Variants in BMP7 observed in about 807,000 individuals in gnomAD.
BMP7 encodes osteogenic protein 1.
In BMP7, 12 loss-of-function variants were observed where a neutral mutation model predicts 41.2. The observed-to-expected ratio is 0.29, with a 90% CI of 0.19 to 0.47. The LOEUF (loss-of-function observed/expected upper bound fraction) is 0.47. BMP7 is among the 20% of genes least tolerant of loss of function. The pLI is 0.99. For synonymous variants in BMP7, 248 were observed against 250.0 expected, an observed-to-expected ratio of 0.99 and a Z score of 0.07; for missense variants, 467 against 606.0, an observed-to-expected ratio of 0.77 and a Z score of 2.41.
chr20:57,223,671 C>T (rs1985243429), intron 2 of BMP7, among the ~76,000 whole-genome samples: 1 of 152,224 alleles, frequency 6.6e-6, no homozygotes, highest in South Asian at 2.1e-4. Flanking sequence ...TTCATAGGAA[C>T]CTTTCCAAGG....
In BMP7 at chr20:57,266,124, G is replaced by A; in HGVS notation, c.-2C>T. On this transcript the variant is annotated 5_prime_UTR_variant, in exon 1 of 7. Transcript: ENST00000395863. ...AGCTCGCAGTGAGCGCACGTGCATC[G>A]CGCCGGCTCTACGCGCTACCCGGGC... 2.0e-6 allele frequency: 3 copies of A among 1,530,350 alleles called. No individual in the cohort carries two copies. Among genetic ancestry groups the A allele is most frequent in the Non-Finnish European group, 2.6e-6 (3 of 1,143,818 alleles). The allele number at this position is 1,530,350 out of a possible 1,614,324, so 94.8% of individuals were successfully genotyped here.
intron 3 of BMP7, among the ~76,000 whole-genome samples, chr20:57,192,761 A>C (rs190180233): frequency 7.1e-4 from 108 of 152,086 alleles, no homozygotes; most frequent in African/African-American, 2.3e-3. Flanking sequence ...TTTTGAAAAA[A>C]AAAAACAAAA....
At chr20:57,243,365 G>C (rs757360957) in intron 1 of BMP7, among the ~76,000 whole-genome samples, 2 of 151,994 alleles carry the variant, frequency 1.3e-5, no homozygotes, top group Non-Finnish European at 2.9e-5. Context: ...TGTTCTCCCA[G>C]CTACTCAGGA....
At position 57,265,926 on chromosome 20, in the gene BMP7, T is replaced by C; in HGVS notation, c.197A>G (p.His66Arg). 6.4e-7 allele frequency: 1 copy of C among 1,560,970 alleles called. No individual in the cohort carries two copies. Among genetic ancestry groups the C allele is most frequent in the Non-Finnish European group, 8.7e-7 (1 of 1,152,388 alleles). The change falls in exon 1 of 7, where the codon CAC (histidine) becomes CGC (arginine). Residue 66 changes from histidine (H) to arginine (R), a missense_variant. His to Arg is a conservative substitution (Grantham distance 29). Coordinates refer to ENST00000395863, the MANE Select transcript of BMP7 (RefSeq NM_001719.3). ...GCCCTGGAGGTGCGGGCGCGGGCGG[T>C]GGGGCAAGCCCAAAATGGAGAGGAT... is the stretch of plus-strand genomic sequence containing the variant. ...REILSILGLP[H>R]RPRPHLQGKH...
intron 2 of BMP7, among the ~76,000 whole-genome samples, chr20:57,223,831 C>G (rs1985247081): frequency 6.6e-6 from 1 of 152,164 alleles, no homozygotes; most frequent in Non-Finnish European, 1.5e-5. Context: ...AGGGCAAAAC[C>G]CGCCCAGAGT....
At position 57,224,785 on chromosome 20, in the gene BMP7, C is replaced by T. The variant is rs1292071951; in HGVS notation, c.611+3444G>A. 1 of 152,404 alleles carries T rather than the reference C, an allele frequency of 6.6e-6. No individual in the cohort carries two copies. Among genetic ancestry groups the T allele is most frequent in the Non-Finnish European group, 1.5e-5 (1 of 68,158 alleles). 9.4% of individuals were successfully genotyped at this position (152,404 alleles called of 1,614,324 possible). A position where few individuals can be genotyped will look rare whatever the true frequency, so the allele number is the denominator to read the frequency against. On this transcript the variant is annotated intron_variant, in intron 2 of 6. Coordinates refer to ENST00000395863, the MANE Select transcript of BMP7 (RefSeq NM_001719.3). The surrounding 1 kb of genome is among the most constrained non-coding windows in gnomAD (Gnocchi z 4.8). The stretch of plus-strand genomic sequence containing the variant: ...CTCTGAGCCCCCACTCGCTCCACAG[C>T]CCGCCAAGGGCGGCTCCAACATGTC...
At chr20:57,199,046 ACC>A (rs1984565052) in intron 3 of BMP7, among the ~76,000 whole-genome samples, 1 of 152,128 alleles carries the variant, frequency 6.6e-6, no homozygotes, top group Non-Finnish European at 1.5e-5. Flanking sequence ...CTGCCTGGGC[ACC>A]TGTCTTCTCT....
At chr20:57,207,453 G>A (rs974571644) in intron 2 of BMP7, among the ~76,000 whole-genome samples, 1 of 152,186 alleles carries the variant, frequency 6.6e-6, no homozygotes, top group African/African-American at 2.4e-5. Flanking sequence ...ATAAAACGAT[G>A]TTGTTTTAAG....
chr20:57,177,254 G>A (rs1177543306), intron 4 of BMP7, among the ~76,000 whole-genome samples: 6 of 152,210 alleles, frequency 3.9e-5, no homozygotes, highest in Admixed American at 3.9e-4. Flanking sequence ...AGCATGGAGA[G>A]CACAGGAGTC....
At chr20:57,241,244 T>C (rs1219748774) in intron 1 of BMP7, among the ~76,000 whole-genome samples, 1 of 152,192 alleles carries the variant, frequency 6.6e-6, no homozygotes, top group Non-Finnish European at 1.5e-5. Context: ...AGGACAGCTC[T>C]GAGCTGAACC....
intron 1 of BMP7, among the ~76,000 whole-genome samples, chr20:57,237,669 C>A (rs1293605765): frequency 6.6e-6 from 1 of 152,246 alleles, no homozygotes; most frequent in African/African-American, 2.4e-5. Flanking sequence ...GGAGAGGCCA[C>A]ACTGACACAC....
At chr20:57,203,639 G>A (rs912335284) in intron 2 of BMP7, among the ~76,000 whole-genome samples, 2 of 152,222 alleles carry the variant, frequency 1.3e-5, no homozygotes, top group Non-Finnish European at 2.9e-5. Context: ...ATTCTAGTAT[G>A]AAAGATCTTC....
chr20:57,211,182 C>G (rs1312599693), intron 2 of BMP7, among the ~76,000 whole-genome samples: 1 of 152,228 alleles, frequency 6.6e-6, no homozygotes, highest in Admixed American at 6.5e-5. Flanking sequence ...ACCTCCTCCT[C>G]CCTCCTCCAA....
chr20:57,239,882 G>A (rs2066062545), intron 1 of BMP7, among the ~76,000 whole-genome samples: 1 of 152,184 alleles, frequency 6.6e-6, no homozygotes, highest in African/African-American at 2.4e-5. Flanking sequence ...AGTCCCTAGG[G>A]TGCACACAGC....
At chr20:57,255,903 C>T (rs1468470634) in intron 1 of BMP7, among the ~76,000 whole-genome samples, 1 of 151,302 alleles carries the variant, frequency 6.6e-6, no homozygotes, top group African/African-American at 2.4e-5. Flanking sequence ...GATTTCATGG[C>T]GAAGTGATAA....
chr20:57,179,196 G>A (rs1333103906), intron 4 of BMP7, among the ~76,000 whole-genome samples: 1 of 152,184 alleles, frequency 6.6e-6, no homozygotes, highest in Non-Finnish European at 1.5e-5. Flanking sequence ...GTATCCTTAG[G>A]ACTTATTAGC....
chr20:57,220,913 G>A (rs1000155338), intron 2 of BMP7, among the ~76,000 whole-genome samples: 14 of 152,158 alleles, frequency 9.2e-5, no homozygotes, highest in African/African-American at 3.4e-4. Flanking sequence ...TACTGTGGCC[G>A]GCACTCACTC....
intron 2 of BMP7, among the ~76,000 whole-genome samples, chr20:57,222,893 A>T (rs1020901162): frequency 6.6e-6 from 1 of 151,300 alleles, no homozygotes. Flanking sequence ...GTCCAAAGGG[A>T]TCTTCACCCT....
chr20:57,223,776 G>A (rs1220582490), intron 2 of BMP7, among the ~76,000 whole-genome samples: 2 of 152,220 alleles, frequency 1.3e-5, no homozygotes, highest in Non-Finnish European at 2.9e-5. Flanking sequence ...GCTCTGGAAC[G>A]TGACCATGGC....
Sources: allele counts gnomAD v4.1 joint callset (sites outside exome capture counted in the v4.1 genomes callset), GRCh38; gene constraint gnomAD v4.1.1; non-coding constraint Gnocchi (gnomAD v3.1); transcripts MANE v1.5; gene names NCBI Gene and HGNC (gene_info 2026-07-23, HGNC 2026-07-21).